SEMA6D: variants seen among roughly 807,000 people sequenced by gnomAD.
SEMA6D encodes the protein semaphorin-6D.
A neutral mutation model predicts 106.6 loss-of-function variants in SEMA6D; 35 were observed. That is an observed-to-expected ratio of 0.33 (90% CI 0.25 to 0.44). SEMA6D has a LOEUF of 0.44. Among genes scored for constraint, SEMA6D ranks in the 20% least tolerant of loss-of-function variants. The pLI is 1.00. For missense variants in SEMA6D, 1,185 were observed against 1,345.9 expected (o/e 0.88, Z 1.87); for synonymous variants, 499 against 487.7 (o/e 1.02, Z -0.31).
intron 3 of SEMA6D, among the ~76,000 whole-genome samples, chr15:47,519,960 T>C (rs1005493954): frequency 1.3e-5 from 2 of 152,224 alleles, no homozygotes; most frequent in African/African-American, 2.4e-5. Flanking sequence ...CTTTTCAGCA[T>C]TGGATTCTCA....
chr15:47,512,373 A>G (rs1384948241), intron 3 of SEMA6D, among the ~76,000 whole-genome samples: 1 of 152,216 alleles, frequency 6.6e-6, no homozygotes, highest in African/African-American at 2.4e-5. Context: ...ATGACCATGC[A>G]TCATGCGCAA....
chr15:47,457,532 G>A (rs1023781811), intron 2 of SEMA6D, among the ~76,000 whole-genome samples: 7 of 151,890 alleles, frequency 4.6e-5, no homozygotes, highest in African/African-American at 1.7e-4. Context: ...CAAACTTGTA[G>A]AGATAAAATA....
At chr15:47,453,517 C>T (rs1194385668) in intron 2 of SEMA6D, among the ~76,000 whole-genome samples, 1 of 151,874 alleles carries the variant, frequency 6.6e-6, no homozygotes, top group Non-Finnish European at 1.5e-5. Flanking sequence ...AGCTTTACAT[C>T]CCACTGAGAA....
intron 3 of SEMA6D, among the ~76,000 whole-genome samples, chr15:47,542,145 A>G (rs1397634050): frequency 2.6e-5 from 4 of 152,212 alleles, no homozygotes; most frequent in African/African-American, 9.6e-5. Flanking sequence ...TAATCAGCCA[A>G]TAACAAATTT....
intron 4 of SEMA6D, among the ~76,000 whole-genome samples, chr15:47,697,495 A>G (rs767840378): frequency 4.6e-5 from 7 of 152,142 alleles, no homozygotes; most frequent in Admixed American, 2.6e-4. Flanking sequence ...AATTTTGCCT[A>G]TTGGTTGAAT....
chr15:47,410,570 G>T (rs1360978792), intron 1 of SEMA6D, among the ~76,000 whole-genome samples: 1 of 152,150 alleles, frequency 6.6e-6, no homozygotes, highest in Admixed American at 6.5e-5. Context: ...AAACAGAAAA[G>T]GTTTTCTCAT....
chr15:47,274,035 AG>A (rs1310096858), intron 1 of SEMA6D: 2 of 152,158 alleles, frequency 1.3e-5, no homozygotes, highest in African/African-American at 2.4e-5. Flanking sequence ...TAAAGGCTTC[AG>A]AGAAACACAG....
intron 3 of SEMA6D, among the ~76,000 whole-genome samples, chr15:47,551,369 C>CT (rs2045682370): frequency 6.6e-6 from 1 of 152,138 alleles, no homozygotes; most frequent in Non-Finnish European, 1.5e-5. Flanking sequence ...ACTGAATGTA[C>CT]ACCTTTTCAC....
chr15:47,700,495 C>T (rs1295392460), intron 4 of SEMA6D, among the ~76,000 whole-genome samples: 1 of 152,168 alleles, frequency 6.6e-6, no homozygotes, highest in Non-Finnish European at 1.5e-5. Context: ...ATGATGAAGC[C>T]ACTGCACTCC....
rs144703245 is a variant in SEMA6D at position 47,500,910 on chromosome 15, A to G, written c.-87+30365A>G. 5.5e-3 allele frequency among the ~76,000 whole-genome samples: 838 copies of G among 152,248 alleles called. 6 individuals are homozygous for G. The highest frequency in any genetic ancestry group is 0.015 in the Admixed American group (224 of 15,286). On this transcript the variant is annotated intron_variant, in intron 3 of 19. Coordinates refer to the SEMA6D transcript ENST00000558014. Reference sequence around the variant, plus strand: ...GTTGTTAAACTTTCCTTTTGACTTTACTTTGCAAAAGCCAACACATATGCC... The same window carrying G: ...GTTGTTAAACTTTCCTTTTGACTTTGCTTTGCAAAAGCCAACACATATGCC...
chr15:47,409,672 T>C (rs1392623393), intron 1 of SEMA6D, among the ~76,000 whole-genome samples: 1 of 152,082 alleles, frequency 6.6e-6, no homozygotes, highest in African/African-American at 2.4e-5. Context: ...AACTGAGTTG[T>C]AGAGAGGTGA....
At chr15:47,331,725 A>G (rs2144114819) in intron 1 of SEMA6D, among the ~76,000 whole-genome samples, 1 of 152,314 alleles carries the variant, frequency 6.6e-6, no homozygotes, top group South Asian at 2.1e-4. Context: ...TCTTTAATGC[A>G]AATACAGTTT....
chr15:47,664,524 C>T (rs528174346), intron 4 of SEMA6D, among the ~76,000 whole-genome samples: 2 of 152,314 alleles, frequency 1.3e-5, no homozygotes, highest in East Asian at 3.9e-4. Flanking sequence ...AAAAAGCATG[C>T]AAATGTCACT....
At chr15:47,287,159 G>C (rs1368889993) in intron 1 of SEMA6D, among the ~76,000 whole-genome samples, 1 of 152,178 alleles carries the variant, frequency 6.6e-6, no homozygotes, top group East Asian at 1.9e-4. Context: ...TAAAAGATCT[G>C]TGTCCCAGAT....
chr15:47,491,860 G>A (rs2097967130), intron 3 of SEMA6D, among the ~76,000 whole-genome samples: 1 of 152,132 alleles, frequency 6.6e-6, no homozygotes, highest in South Asian at 2.1e-4. Context: ...TGCCTGCCTA[G>A]AGCAGAAGGC....
chr15:47,635,262 A>T (rs766027268), intron 4 of SEMA6D, among the ~76,000 whole-genome samples: 1 of 152,168 alleles, frequency 6.6e-6, no homozygotes, highest in African/African-American at 2.4e-5. Context: ...AAGGCAAGAC[A>T]GGACAAGATA....
chr15:47,496,043 A>T lies in SEMA6D; in HGVS notation c.-87+25498A>T, dbSNP rs559509938. Among the ~76,000 whole-genome samples the T allele has an allele frequency of 3.9e-5, 6 of 152,188 alleles. No homozygotes were observed. The East Asian group carries it at 1.2e-3, about 29-fold the overall frequency. ...AAGGGAGACAGAAACAATATTCACT[A>T]GAAATAGAGTATAACAAAACACTAG... On this transcript the variant is annotated intron_variant, in intron 3 of 19. Coordinates refer to the SEMA6D transcript ENST00000558014.
At chr15:47,300,792 C>G (rs1300077214) in intron 1 of SEMA6D, among the ~76,000 whole-genome samples, 3 of 152,174 alleles carry the variant, frequency 2.0e-5, no homozygotes, top group African/African-American at 7.2e-5. Context: ...GTGCAGTCCC[C>G]AAAGGCTAGG....
chr15:47,674,738 G>A (rs770916870), intron 4 of SEMA6D, among the ~76,000 whole-genome samples: 44 of 152,188 alleles, frequency 2.9e-4, no homozygotes, highest in African/African-American at 1.0e-3. Context: ...GGAGGATGGC[G>A]CTTTTGTAGT....
Sources: allele counts gnomAD v4.1 joint callset (sites outside exome capture counted in the v4.1 genomes callset), GRCh38; gene constraint gnomAD v4.1.1; transcripts MANE v1.5; gene names NCBI Gene and HGNC (gene_info 2026-07-23, HGNC 2026-07-21).